TCAIM: variants seen among roughly 807,000 people sequenced by gnomAD.
The protein encoded by TCAIM is T cell activation inhibitor, mitochondrial, also known as T-cell activation inhibitor, mitochondrial.
Under a neutral mutation model 58.6 loss-of-function variants are expected in TCAIM, and 36 were observed. That is an observed-to-expected ratio of 0.61 (90% CI 0.47 to 0.81). The LOEUF (loss-of-function observed/expected upper bound fraction) is 0.81. Ranked by LOEUF, TCAIM falls within the 30% of genes least tolerant of loss-of-function variation. The probability of loss-of-function intolerance (pLI) is 0.00; values close to 1 mark genes in which losing one functional copy is unlikely to be tolerated. For synonymous variants in TCAIM, 172 were observed against 193.6 expected, an observed-to-expected ratio of 0.89 and a Z score of 0.93; for missense variants, 466 against 579.6, an observed-to-expected ratio of 0.80 and a Z score of 2.01.
intron 4 of TCAIM, among the ~76,000 whole-genome samples, chr3:44,364,764 C>A (rs1424429058): frequency 6.6e-6 from 1 of 150,840 alleles, no homozygotes; most frequent in Non-Finnish European, 1.5e-5. Context: ...AAAAAAAAAT[C>A]TTTAGCCTCA....
At chr3:44,352,116 C>T (rs1024364273) in intron 1 of TCAIM, among the ~76,000 whole-genome samples, 4 of 149,028 alleles carry the variant, frequency 2.7e-5, no homozygotes, top group Admixed American at 6.7e-5. Context: ...ATATATAAAA[C>T]ATTTTGGTAC....
intron 5 of TCAIM, among the ~76,000 whole-genome samples, chr3:44,392,097 T>C (rs1438272768): frequency 1.3e-5 from 2 of 152,240 alleles, no homozygotes; most frequent in East Asian, 3.8e-4. Context: ...ATATTCTATC[T>C]CTAGGAATCT....
At chr3:44,365,821 C>A (rs1386280239) in intron 4 of TCAIM, among the ~76,000 whole-genome samples, 2 of 152,168 alleles carry the variant, frequency 1.3e-5, no homozygotes, top group African/African-American at 4.8e-5. Context: ...ATTTTTATTT[C>A]ATTTCAATCA....
At chr3:44,387,968 A>T (rs555509128) in intron 5 of TCAIM, among the ~76,000 whole-genome samples, 1 of 152,118 alleles carries the variant, frequency 6.6e-6, no homozygotes, top group African/African-American at 2.4e-5. Context: ...TGTAACCTCC[A>T]CCCAGATTCC....
chr3:44,387,028 A>G (rs1701754400), intron 5 of TCAIM, among the ~76,000 whole-genome samples: 1 of 152,194 alleles, frequency 6.6e-6, no homozygotes, highest in African/African-American at 2.4e-5. Context: ...TTCCAGGCCC[A>G]CCAGGAAAAT....
At position 44,372,252 on chromosome 3, in the gene TCAIM, T is replaced by G. The variant is rs1701490434; in HGVS notation, c.572+4544T>G. Reference sequence around the variant, plus strand: ...AGAAAACTGTACTGATTTTTTTATATCTGTAATTATTTTACAAATAATTGT... The same window carrying G: ...AGAAAACTGTACTGATTTTTTTATAGCTGTAATTATTTTACAAATAATTGT... On this transcript the variant is annotated intron_variant, in intron 5 of 10. Coordinates refer to ENST00000342649, the MANE Select transcript of TCAIM (RefSeq NM_173826.4). Among the ~76,000 whole-genome samples the G allele has an allele frequency of 2.6e-5, 4 of 152,156 alleles. No individual in the cohort carries two copies. In the South Asian group the frequency reaches 8.3e-4, roughly 32 times the overall value.
At chr3:44,347,069 A>C (rs1335692234) in intron 1 of TCAIM, among the ~76,000 whole-genome samples, 2 of 152,166 alleles carry the variant, frequency 1.3e-5, no homozygotes, top group Admixed American at 6.5e-5. Context: ...CTAGGAAGAA[A>C]AGGAGTTGTT....
chr3:44,377,242 A>C (rs1701580498), intron 5 of TCAIM, among the ~76,000 whole-genome samples: 1 of 152,174 alleles, frequency 6.6e-6, no homozygotes, highest in Non-Finnish European at 1.5e-5. Flanking sequence ...TATGAGACAA[A>C]ATAGACATTA....
chr3:44,371,111 C>A (rs1279951104), intron 5 of TCAIM, among the ~76,000 whole-genome samples: 1 of 151,778 alleles, frequency 6.6e-6, no homozygotes, highest in Non-Finnish European at 1.5e-5. Context: ...GGGGTTTCAC[C>A]ATGTTGGCTA....
At chr3:44,390,878 C>A (rs9311356) in intron 5 of TCAIM, among the ~76,000 whole-genome samples, 10 of 152,046 alleles carry the variant, frequency 6.6e-5, no homozygotes, top group Non-Finnish European at 1.5e-4. Flanking sequence ...ATGCCTGGGG[C>A]CCACCCCCAA....
At chr3:44,340,951 C>T (rs934515099) in intron 1 of TCAIM, 7 of 152,138 alleles carry the variant, frequency 4.6e-5, no homozygotes, top group African/African-American at 1.7e-4. Flanking sequence ...ACAGGAAATA[C>T]TCAAAAGACT....
chr3:44,405,760 A>G (rs1702090191), intron 10 of TCAIM, among the ~76,000 whole-genome samples: 1 of 151,834 alleles, frequency 6.6e-6, no homozygotes, highest in Non-Finnish European at 1.5e-5. Context: ...GTTGAAGACC[A>G]GCCTGGCCAA....
At chr3:44,372,537 A>G (rs1701495035) in intron 5 of TCAIM, among the ~76,000 whole-genome samples, 1 of 152,140 alleles carries the variant, frequency 6.6e-6, no homozygotes, top group South Asian at 2.1e-4. Context: ...GCCCATTTAT[A>G]TCAATCTGAT....
intron 10 of TCAIM, among the ~76,000 whole-genome samples, chr3:44,406,118 G>A (rs1702096945): frequency 6.6e-6 from 1 of 152,114 alleles, no homozygotes; most frequent in East Asian, 1.9e-4. Context: ...AAGAACTGAT[G>A]GGTTCTCCTG....
chr3:44,364,634 C>T (rs966567368), intron 4 of TCAIM, among the ~76,000 whole-genome samples: 4 of 151,052 alleles, frequency 2.6e-5, no homozygotes, highest in Non-Finnish European at 4.4e-5. Flanking sequence ...CCCCGCTACT[C>T]GAGAGCCTAA....
At chr3:44,386,235 C>CT (rs1217089964) in intron 5 of TCAIM, among the ~76,000 whole-genome samples, 2 of 140,120 alleles carry the variant, frequency 1.4e-5, no homozygotes, top group South Asian at 4.6e-4. Flanking sequence ...AAAAAAAACA[C>CT]TTTAAAATTA....
intron 5 of TCAIM, among the ~76,000 whole-genome samples, chr3:44,369,276 C>T (rs560380491): frequency 2.5e-4 from 38 of 152,198 alleles, no homozygotes; most frequent in African/African-American, 8.7e-4. Flanking sequence ...ACTTATCTTG[C>T]GCTGTGTCTA....
intron 9 of TCAIM, 99 bp from the exon 10 acceptor site, chr3:44,401,104 T>C (rs1702015184): frequency 2.7e-6 from 4 of 1,507,084 alleles, no homozygotes; most frequent in Non-Finnish European, 3.6e-6. Flanking sequence ...CTTTTCTTGA[T>C]GATTTTTTTT....
chr3:44,358,325 T>A, intron 3 of TCAIM: 1 of 809,020 alleles, frequency 1.2e-6, no homozygotes, highest in Admixed American at 2.3e-5. Flanking sequence ...GAATACAAAC[T>A]GATATGAAAA....
Sources: allele counts gnomAD v4.1 joint callset (sites outside exome capture counted in the v4.1 genomes callset), GRCh38; gene constraint gnomAD v4.1.1; transcripts MANE v1.5; gene names NCBI Gene and HGNC (gene_info 2026-07-23, HGNC 2026-07-21).